Variants in CHST11 observed in about 807,000 individuals in gnomAD.
The protein encoded by CHST11 is carbohydrate sulfotransferase 11.
CHST11 carries 9 observed loss-of-function variants against 30.4 expected under a neutral mutation model. The observed-to-expected ratio is 0.30, with a 90% CI of 0.18 to 0.52. CHST11 has a LOEUF of 0.52. CHST11 is among the 20% of genes least tolerant of loss of function. The pLI is 0.97. For missense variants in CHST11, 348 were observed against 460.6 expected (o/e 0.76, Z 2.24); for synonymous variants, 152 against 187.8 (o/e 0.81, Z 1.56).
At chr12:104,497,240 AT>A (rs1354745858) in intron 1 of CHST11, among the ~76,000 whole-genome samples, 1 of 152,236 alleles carries the variant, frequency 6.6e-6, no homozygotes, top group African/African-American at 2.4e-5. Flanking sequence ...CAAATAAATG[AT>A]TATGAGGTCA....
At chr12:104,592,345 G>C (rs1472418381) in intron 1 of CHST11, among the ~76,000 whole-genome samples, 1 of 152,124 alleles carries the variant, frequency 6.6e-6, no homozygotes, top group African/African-American at 2.4e-5. Context: ...CTGGAGGCTG[G>C]GAAGTCCAAG....
intron 1 of CHST11, among the ~76,000 whole-genome samples, chr12:104,598,866 C>G (rs1484264152): frequency 6.6e-6 from 1 of 150,582 alleles, no homozygotes; most frequent in Non-Finnish European, 1.5e-5. Context: ...TGGTCTGTAT[C>G]CTCGTGGCCA....
At chr12:104,675,062 T>C (rs1284678330) in intron 2 of CHST11, among the ~76,000 whole-genome samples, 7 of 152,250 alleles carry the variant, frequency 4.6e-5, no homozygotes, top group Admixed American at 2.0e-4. Context: ...TTACTATATT[T>C]ACCTTGCTGT....
At chr12:104,622,187 A>G (rs1316525117) in intron 2 of CHST11, among the ~76,000 whole-genome samples, 1 of 152,228 alleles carries the variant, frequency 6.6e-6, no homozygotes, top group Non-Finnish European at 1.5e-5. Context: ...AATTTATATC[A>G]GATCACAGTT....
At chr12:104,747,995 T>C (rs151314415) in intron 2 of CHST11, among the ~76,000 whole-genome samples, 1 of 152,356 alleles carries the variant, frequency 6.6e-6, no homozygotes, top group African/African-American at 2.4e-5. Flanking sequence ...AAACTAATTA[T>C]GGTTGCCTTT....
intron 1 of CHST11, among the ~76,000 whole-genome samples, chr12:104,586,249 G>A: frequency 6.6e-6 from 1 of 152,216 alleles, no homozygotes; most frequent in East Asian, 1.9e-4. Flanking sequence ...GGGAAAGAAA[G>A]CAGAAGCCTG....
chr12:104,549,800 G>A (rs1481510091), intron 1 of CHST11, among the ~76,000 whole-genome samples: 1 of 152,094 alleles, frequency 6.6e-6, no homozygotes. Context: ...CCAGCTACTC[G>A]GGAGGCTGAG....
intron 2 of CHST11, among the ~76,000 whole-genome samples, chr12:104,683,663 C>T (rs2039818516): frequency 6.6e-6 from 1 of 152,216 alleles, no homozygotes; most frequent in Non-Finnish European, 1.5e-5. Flanking sequence ...AGATTACCCA[C>T]CTGCAAAGGA....
chr12:104,713,367 G>A (rs1007586165), intron 2 of CHST11, among the ~76,000 whole-genome samples: 1 of 152,120 alleles, frequency 6.6e-6, no homozygotes, highest in African/African-American at 2.4e-5. Flanking sequence ...AGCCCTCCAG[G>A]ATAGAAATCA....
At chr12:104,516,709 G>T (rs1035307693) in intron 1 of CHST11, among the ~76,000 whole-genome samples, 10 of 151,972 alleles carry the variant, frequency 6.6e-5, no homozygotes, top group Non-Finnish European at 1.3e-4. Context: ...GGAGCCCCTA[G>T]GATGAGTTGA....
At chr12:104,603,531 C>A (rs1437711613) in intron 2 of CHST11, among the ~76,000 whole-genome samples, 1 of 152,182 alleles carries the variant, frequency 6.6e-6, no homozygotes, top group Admixed American at 6.5e-5. Flanking sequence ...ACATGAAAGT[C>A]CAGGTTCAAA....
intron 1 of CHST11, among the ~76,000 whole-genome samples, chr12:104,462,136 C>T (rs2037413412): frequency 7.5e-6 from 1 of 133,330 alleles, no homozygotes; most frequent in African/African-American, 2.8e-5. Context: ...CATTGCATTC[C>T]ATCCTGGGCA....
intron 1 of CHST11, among the ~76,000 whole-genome samples, chr12:104,523,605 A>T (rs551867430): frequency 5.2e-4 from 79 of 152,320 alleles, no homozygotes; most frequent in African/African-American, 1.7e-3. Flanking sequence ...TATTTGTGAA[A>T]TGGAGTGCTC....
At chr12:104,517,191 G>A (rs915679804) in intron 1 of CHST11, among the ~76,000 whole-genome samples, 6 of 152,156 alleles carry the variant, frequency 3.9e-5, no homozygotes, top group African/African-American at 1.2e-4. Flanking sequence ...AATCTTGGGT[G>A]CACTGTAAGA....
intron 1 of CHST11, among the ~76,000 whole-genome samples, chr12:104,577,961 G>A (rs1172040868): frequency 6.6e-6 from 1 of 152,136 alleles, no homozygotes; most frequent in Admixed American, 6.5e-5. Context: ...GGTGTATTTG[G>A]GTTTATTTCT....
intron 1 of CHST11, among the ~76,000 whole-genome samples, chr12:104,534,638 C>G (rs1057074027): frequency 6.6e-6 from 1 of 152,098 alleles, no homozygotes; most frequent in Non-Finnish European, 1.5e-5. Context: ...TGTTTCCTCC[C>G]AGGAAGGAAG....
chr12:104,583,925 C>G (rs1016031895), intron 1 of CHST11, among the ~76,000 whole-genome samples: 1 of 152,162 alleles, frequency 6.6e-6, no homozygotes, highest in Non-Finnish European at 1.5e-5. Flanking sequence ...GTTAACCGGG[C>G]TGGTCCCAAA....
intron 1 of CHST11, among the ~76,000 whole-genome samples, chr12:104,537,302 T>G (rs1452684140): frequency 6.6e-6 from 1 of 152,178 alleles, no homozygotes; most frequent in African/African-American, 2.4e-5. Flanking sequence ...GCTGGTGCTA[T>G]CCATAGAAAC....
intron 2 of CHST11, among the ~76,000 whole-genome samples, chr12:104,701,776 C>T (rs1412732167): frequency 6.6e-6 from 1 of 152,122 alleles, no homozygotes; most frequent in Non-Finnish European, 1.5e-5. Context: ...TTGGGCTGCC[C>T]CAGGCCGGTC....
Sources: allele counts gnomAD v4.1 joint callset (sites outside exome capture counted in the v4.1 genomes callset), GRCh38; gene constraint gnomAD v4.1.1; transcripts MANE v1.5; gene names NCBI Gene and HGNC (gene_info 2026-07-23, HGNC 2026-07-21).